The following C2orf78 variants were observed in gnomAD, a reference collection of about 807,000 sequenced individuals.
C2orf78 encodes the protein chromosome 2 open reading frame 78, also known as uncharacterized protein C2orf78.
In C2orf78, 12 loss-of-function variants were observed where a neutral mutation model predicts 21.4. The ratio of observed to expected loss-of-function variants is 0.56; its 90% CI spans 0.36 to 0.91. C2orf78 has a LOEUF of 0.91. Among genes scored for constraint, C2orf78 ranks in the 40% least tolerant of loss-of-function variants. The pLI, the probability that C2orf78 is intolerant of heterozygous loss-of-function variation, is 0.01. For synonymous variants in C2orf78, 396 were observed against 413.9 expected (o/e 0.96, Z 0.52); for missense variants, 1,042 against 1,092.4 (o/e 0.95, Z 0.65).
intron 1 of C2orf78, among the ~76,000 whole-genome samples, chr2:73,784,884 C>T (rs1672896301): frequency 6.6e-6 from 1 of 151,148 alleles, no homozygotes; most frequent in Non-Finnish European, 1.5e-5. Context: ...AATATTCAGC[C>T]AGGCACGGTG....
chr2:73,811,726 C>G (rs973064477), intron 1 of C2orf78, among the ~76,000 whole-genome samples: 7 of 151,820 alleles, frequency 4.6e-5, no homozygotes, highest in African/African-American at 1.7e-4. Flanking sequence ...TTTTTTTAAG[C>G]TATGGGAATG....
intron 1 of C2orf78, among the ~76,000 whole-genome samples, chr2:73,810,951 TA>T (rs1036511240): frequency 1.4e-5 from 2 of 143,100 alleles, no homozygotes; most frequent in Non-Finnish European, 3.0e-5. Context: ...ATGTTATATA[TA>T]ATATACATGT....
At chr2:73,810,898 T>C (rs1402305020) in intron 1 of C2orf78, among the ~76,000 whole-genome samples, 3 of 140,424 alleles carry the variant, frequency 2.1e-5, no homozygotes, top group Non-Finnish European at 4.5e-5. Flanking sequence ...GTATATTACA[T>C]GTATATTATA....
chr2:73,815,588 G>T (rs763384336), exon 3 of C2orf78: 1 of 1,613,802 alleles, frequency 6.2e-7, no homozygotes, highest in Non-Finnish European at 8.5e-7. Context: ...ACCTCCCCCC[G>T]ATCTTCAGTT....
chr2:73,808,148 G>A, intron 1 of C2orf78, among the ~76,000 whole-genome samples: 1 of 151,014 alleles, frequency 6.6e-6, no homozygotes, highest in Non-Finnish European at 1.5e-5. Flanking sequence ...CAGCTACTAA[G>A]GAGTCTGAGG....
intron 1 of C2orf78, among the ~76,000 whole-genome samples, chr2:73,811,576 C>T (rs954403885): frequency 2.0e-5 from 3 of 152,164 alleles, no homozygotes; most frequent in African/African-American, 4.8e-5. Context: ...TAATGGACTG[C>T]TTTTAGACCT....
Position 73,814,242 on chromosome 2 carries a change from A to C in C2orf78, c.847+16A>C. 2 of 1,540,734 alleles carry C rather than the reference A, an allele frequency of 1.3e-6. No homozygotes were observed. Among genetic ancestry groups the C allele is most frequent in the Non-Finnish European group, 1.8e-6 (2 of 1,142,614 alleles). ...AGTGTTCAAGGTGAGTACAAACATCAAGAAAGGAGAGGAATAATGTCAGCG... is the reference window on the plus strand; with the variant it reads ...AGTGTTCAAGGTGAGTACAAACATCCAGAAAGGAGAGGAATAATGTCAGCG... On this transcript the variant is annotated intron_variant, in intron 2 of 2. Transcript: ENST00000409561.
At chr2:73,813,787 AAAG>A in exon 2 of C2orf78, 1 of 1,614,078 alleles carries the variant, frequency 6.2e-7, no homozygotes, top group Non-Finnish European at 8.5e-7. Flanking sequence ...CAAGCACAGT[AAAG>A]AAGTCATCCT....
At chr2:73,810,697 A>C (rs1454390591) in intron 1 of C2orf78, among the ~76,000 whole-genome samples, 1 of 132,730 alleles carries the variant, frequency 7.5e-6, no homozygotes, top group Non-Finnish European at 1.6e-5. Context: ...TATATATTTT[A>C]TATATATATA....
rs1252683700 is a variant in C2orf78, at chr2:73,784,455, C to G, written c.97+49C>G. 7 of 610,744 alleles carry G rather than the reference C, an allele frequency of 1.1e-5. No homozygotes were observed. In the East Asian group the frequency reaches 1.8e-4, roughly 15 times the overall value. The allele number at this position is 610,744 out of a possible 1,614,324, so 37.8% of individuals were successfully genotyped here. On this transcript the variant is annotated intron_variant, in intron 1 of 2. Coordinates refer to ENST00000409561, the Ensembl canonical transcript of C2orf78. ...AGGTTTTCATGAGATTTCTTTGCCACTAAATTTAGATTTCTTTCCCCCTAT... is the reference window on the plus strand; with the variant it reads ...AGGTTTTCATGAGATTTCTTTGCCAGTAAATTTAGATTTCTTTCCCCCTAT...
At chr2:73,809,787 G>C (rs1573198347) in intron 1 of C2orf78, among the ~76,000 whole-genome samples, 2 of 152,100 alleles carry the variant, frequency 1.3e-5, no homozygotes, top group South Asian at 2.1e-4. Flanking sequence ...CTGTCACAAA[G>C]AAACAAATAA....
exon 3 of C2orf78, chr2:73,815,121 A>G: frequency 6.2e-7 from 1 of 1,613,972 alleles, no homozygotes; most frequent in Non-Finnish European, 8.5e-7. Flanking sequence ...GCAATCTCCA[A>G]GCCAGACATT....
intron 1 of C2orf78, among the ~76,000 whole-genome samples, chr2:73,809,776 C>G (rs1299038388): frequency 6.6e-6 from 1 of 152,032 alleles, no homozygotes. Context: ...AAAGTGAGAC[C>G]CTGTCACAAA....
chr2:73,816,209 C>T, exon 3 of C2orf78: 2 of 1,613,840 alleles, frequency 1.2e-6, no homozygotes, highest in Non-Finnish European at 1.7e-6. Flanking sequence ...CAAGCAACAC[C>T]CAAAACCGCC....
intron 1 of C2orf78, chr2:73,808,704 T>C: frequency 6.6e-7 from 1 of 1,511,298 alleles, no homozygotes; most frequent in Non-Finnish European, 8.8e-7. Context: ...AACTGCCACC[T>C]GGTAGAATCT....
At chr2:73,810,591 T>C (rs1673062284) in intron 1 of C2orf78, among the ~76,000 whole-genome samples, 1 of 140,198 alleles carries the variant, frequency 7.1e-6, no homozygotes, top group Non-Finnish European at 1.5e-5. Context: ...ATATTATATA[T>C]ATACATAAAA....
exon 2 of C2orf78, chr2:73,813,946 A>G: frequency 6.2e-7 from 1 of 1,614,036 alleles, no homozygotes. Flanking sequence ...TTCAGGGGAC[A>G]CTAACTCAAA....
chr2:73,817,047 T>C (rs1673219368), exon 3 of C2orf78: 2 of 1,457,222 alleles, frequency 1.4e-6, no homozygotes, highest in African/African-American at 1.4e-5. Flanking sequence ...CATATATAGA[T>C]AGATACTAAT....
At position 73,815,746 on chromosome 2, in the gene C2orf78, A is replaced by G. The variant is rs1573204482; in HGVS notation, c.1523A>G (p.Glu508Gly). Residue 508 changes from glutamate (E) to glycine (G), a missense_variant, in exon 3 of 3, where the codon GAG (glutamate) becomes GGG (glycine). By Grantham distance (98) the Glu-to-Gly change is moderately conservative (BLOSUM62 -2). This residue lies in a region of C2orf78 where 1,039 missense variants were observed against 1,069.7 expected (regional missense o/e 0.97). Transcript: ENST00000409561. ...AGGAAGAACAAGCATAAAGCTTCCG[A>G]GCCTATCCAGGGTGCTCCCAAGGCC... The G allele has an allele frequency of 2.5e-6, 4 of 1,613,640 alleles. No homozygotes were observed. In the East Asian group the frequency reaches 6.7e-5, roughly 27 times the overall value.
Sources: gnomAD v4.1 joint callset for allele counts (sites outside exome capture counted in the v4.1 genomes callset) on GRCh38, gnomAD v4.1.1 for gene constraint, gnomAD v4.1.1 regional missense constraint, MANE v1.5 for transcripts, NCBI Gene and HGNC (gene_info 2026-07-23, HGNC 2026-07-21) for gene names.